CPNE4: variants seen among roughly 807,000 people sequenced by gnomAD.
The protein encoded by CPNE4 is copine-4.
A neutral mutation model predicts 67.9 loss-of-function variants in CPNE4; 25 were observed. The ratio of observed to expected loss-of-function variants is 0.37; its 90% CI spans 0.27 to 0.51. The LOEUF is 0.51. Among genes scored for constraint, CPNE4 ranks in the 20% least tolerant of loss-of-function variants. The pLI, the probability that CPNE4 is intolerant of heterozygous loss-of-function variation, is 0.93. For missense variants in CPNE4, 464 were observed against 690.8 expected (o/e 0.67, Z 3.68); for synonymous variants, 242 against 244.9 (o/e 0.99, Z 0.11).
At chr3:131,587,452 G>A (rs942849804) in intron 8 of CPNE4, 32 bp downstream of exon 8, 3 of 1,472,428 alleles carry the variant, frequency 2.0e-6, no homozygotes, top group Non-Finnish European at 2.9e-6. Flanking sequence ...CATACCGACT[G>A]GAGGCAAAAC....
At chr3:131,956,505 G>A (rs1246282873) in intron 1 of CPNE4, among the ~76,000 whole-genome samples, 1 of 152,100 alleles carries the variant, frequency 6.6e-6, no homozygotes, top group Non-Finnish European at 1.5e-5. Context: ...TGAAACAGAA[G>A]AGCATACTCA....
At position 131,714,254 on chromosome 3, in the gene CPNE4, AC is replaced by A. The variant is rs1282273138; in HGVS notation, c.360+9191del. Among the ~76,000 whole-genome samples, 4 of 151,956 alleles carry A rather than the reference AC, an allele frequency of 2.6e-5. No homozygotes were observed. In the East Asian group the frequency reaches 7.7e-4, roughly 29 times the overall value. On this transcript the variant is annotated intron_variant, in intron 3 of 15. Coordinates refer to ENST00000429747, the MANE Select transcript of CPNE4 (RefSeq NM_130808.3). ...GGCTCATCCCGACACTAAACCTAAT[AC>A]CCATTGATCAATAGCTTGTGGTCTG... is the stretch of plus-strand genomic sequence containing the variant.
At chr3:131,940,045 G>T (rs1293039021) in intron 1 of CPNE4, among the ~76,000 whole-genome samples, 2 of 152,072 alleles carry the variant, frequency 1.3e-5, no homozygotes, top group African/African-American at 4.8e-5. Context: ...TTACCTGTTT[G>T]TGTGCATTTT....
At chr3:131,596,361 G>A (rs1327515909) in intron 7 of CPNE4, among the ~76,000 whole-genome samples, 1 of 147,388 alleles carries the variant, frequency 6.8e-6, no homozygotes, top group Non-Finnish European at 1.5e-5. Flanking sequence ...GGTGGCTCAC[G>A]CCTGTAATCC....
chr3:131,755,837 G>C (rs559510152), intron 2 of CPNE4, among the ~76,000 whole-genome samples: 5 of 152,144 alleles, frequency 3.3e-5, no homozygotes, highest in Non-Finnish European at 5.9e-5. Context: ...AACTCTCAGG[G>C]TTGCTAGTAT....
intron 1 of CPNE4, among the ~76,000 whole-genome samples, chr3:131,970,508 T>C (rs937965595): frequency 6.6e-6 from 1 of 152,224 alleles, no homozygotes; most frequent in Non-Finnish European, 1.5e-5. Context: ...ATGAATGAGT[T>C]TGTTTCCTTG....
intron 14 of CPNE4, among the ~76,000 whole-genome samples, chr3:131,546,603 G>T (rs1407727614): frequency 6.6e-6 from 1 of 152,160 alleles, no homozygotes; most frequent in Non-Finnish European, 1.5e-5. Flanking sequence ...GTGTGGGTTG[G>T]ATGCTTCTTA....
rs527335646 is a variant in CPNE4 at position 131,917,309 on chromosome 3, A to G, written c.-1-11865T>C. Among the ~76,000 whole-genome samples the G allele has an allele frequency of 2.6e-5, 4 of 152,344 alleles. 1 individual carries two copies. The highest frequency in any genetic ancestry group is 9.6e-5 in the African/African-American group (4 of 41,576). ...CGCTAGTGTTGCTATGGATGAAAAC[A>G]AAGAAGAGACTAGAATTTAGGAAGA... On this transcript the variant is annotated intron_variant, in intron 1 of 15. Transcript: ENST00000429747.
At chr3:131,926,435 T>C (rs984414182) in intron 1 of CPNE4, among the ~76,000 whole-genome samples, 1 of 151,922 alleles carries the variant, frequency 6.6e-6, no homozygotes, top group Admixed American at 6.6e-5. Flanking sequence ...AATAAAGATA[T>C]GAACAACATG....
rs973975250 is a variant in CPNE4, at chr3:131,598,105, G to A, written c.682-10523C>T. ...TGACATGGGTTGTAGGCACAGGATC[G>A]AAGAGATGGGATTCTAGAAACAGCT... On this transcript the variant is annotated intron_variant, in intron 7 of 15. Transcript: ENST00000429747. 2.0e-5 allele frequency among the ~76,000 whole-genome samples: 3 copies of A among 152,198 alleles called. No homozygotes were observed. The South Asian group carries it at 6.2e-4, about 32-fold the overall frequency.
At chr3:131,982,672 C>T (rs1272549229) in intron 1 of CPNE4, among the ~76,000 whole-genome samples, 1 of 152,064 alleles carries the variant, frequency 6.6e-6, no homozygotes, top group Non-Finnish European at 1.5e-5. Context: ...TTTGTTTACA[C>T]ATAAGAAAGT....
At chr3:131,594,499 A>G (rs1158334305) in intron 7 of CPNE4, among the ~76,000 whole-genome samples, 5 of 152,184 alleles carry the variant, frequency 3.3e-5, no homozygotes, top group Non-Finnish European at 7.4e-5. Flanking sequence ...TATTCACATA[A>G]AAAATGAAAT....
At chr3:131,595,476 A>G (rs1323655583) in intron 7 of CPNE4, among the ~76,000 whole-genome samples, 1 of 152,222 alleles carries the variant, frequency 6.6e-6, no homozygotes, top group Non-Finnish European at 1.5e-5. Context: ...GGTAATTTAC[A>G]AAGAAAAGAG....
intron 7 of CPNE4, among the ~76,000 whole-genome samples, chr3:131,610,901 T>G (rs1502664): frequency 6.6e-6 from 1 of 152,002 alleles, no homozygotes; most frequent in Non-Finnish European, 1.5e-5. Flanking sequence ...GCATTCTAGG[T>G]AGGTGAACAG....
intron 14 of CPNE4, among the ~76,000 whole-genome samples, chr3:131,547,005 A>G (rs1433075282): frequency 6.6e-6 from 1 of 152,208 alleles, no homozygotes; most frequent in Non-Finnish European, 1.5e-5. Context: ...AAAAAATAAA[A>G]TAAAATAATG....
chr3:131,767,531 G>A (rs1400826566), intron 2 of CPNE4, among the ~76,000 whole-genome samples: 2 of 152,054 alleles, frequency 1.3e-5, no homozygotes, highest in African/African-American at 4.8e-5. Flanking sequence ...GGGCACAGTT[G>A]AGAGGCTGGG....
intron 2 of CPNE4, among the ~76,000 whole-genome samples, chr3:131,845,830 A>G (rs1426401907): frequency 6.6e-6 from 1 of 152,194 alleles, no homozygotes; most frequent in South Asian, 2.1e-4. Context: ...TTAATGTGGC[A>G]GAGATTGGAC....
At chr3:131,815,650 T>TC (rs2084708353) in intron 2 of CPNE4, among the ~76,000 whole-genome samples, 1 of 152,182 alleles carries the variant, frequency 6.6e-6, no homozygotes, top group Non-Finnish European at 1.5e-5. Context: ...AGACAAGGTG[T>TC]TGGAACAAAG....
intron 1 of CPNE4, among the ~76,000 whole-genome samples, chr3:131,952,591 G>A (rs1311602953): frequency 2.4e-4 from 17 of 70,860 alleles, no homozygotes; most frequent in East Asian, 8.4e-4. Context: ...CACCCCGCCC[G>A]GCCAGCCGCC....
Sources: gnomAD v4.1 joint callset for allele counts (sites outside exome capture counted in the v4.1 genomes callset) on GRCh38, gnomAD v4.1.1 for gene constraint, MANE v1.5 for transcripts, NCBI Gene and HGNC (gene_info 2026-07-23, HGNC 2026-07-21) for gene names.